IDS: variants seen among roughly 807,000 people sequenced by gnomAD.
The protein encoded by IDS is alpha-L-iduronate sulfate sulfatase.
Under a neutral mutation model 33.5 loss-of-function variants are expected in IDS, and 1 was observed. That is an observed-to-expected ratio of 0.03 (90% CI 0.01 to 0.14). IDS has a LOEUF of 0.14. Among genes scored for constraint, IDS ranks in the 10% least tolerant of loss-of-function variants. The pLI is 1.00. For synonymous variants in IDS, 191 were observed against 184.4 expected (o/e 1.04, Z -0.29); for missense variants, 328 against 448.0 (o/e 0.73, Z 2.42).
intron 4 of IDS, among the ~76,000 whole-genome samples, chrX:149,500,626 T>TTC (rs781906011): frequency 4.1e-4 from 46 of 111,986 alleles, no homozygotes; most frequent in Admixed American, 4.0e-3. Context: ...TCAGCCTCTT[T>TTC]TCTCCCTCCC....
intron 1 of IDS, among the ~76,000 whole-genome samples, chrX:149,504,567 G>A (rs1176995608): frequency 9.0e-6 from 1 of 110,550 alleles, no homozygotes; most frequent in Non-Finnish European, 1.9e-5. Context: ...ATGAATTTAG[G>A]AAAAAAAGAG....
intron 6 of IDS, among the ~76,000 whole-genome samples, chrX:149,493,925 G>A (rs1285546099): frequency 9.0e-6 from 1 of 111,444 alleles, no homozygotes; most frequent in Non-Finnish European, 1.9e-5. Context: ...TTCTACAAGA[G>A]GAAAGGTGCT....
chrX:149,505,115 C>A lies in IDS; in HGVS notation c.23G>T (p.Arg8Leu), dbSNP rs782621858. 3.4e-5 allele frequency: 41 copies of A among 1,197,480 alleles called. No individual in the cohort carries two copies. In the Middle Eastern group the frequency reaches 1.2e-3, roughly 34 times the overall value. MPPPRTG[R>L]GLLWLGLVLS... ...AACCAGACCCAGCCAGAGAAGGCCTCGGCCGGTCCGGGGTGGCGGCATTTC... is the reference window on the plus strand; with the variant it reads ...AACCAGACCCAGCCAGAGAAGGCCTAGGCCGGTCCGGGGTGGCGGCATTTC... The change falls in exon 1 of 9, where the codon CGA becomes CTA. Residue 8 changes from arginine (R) to leucine (L), a missense_variant. Physicochemically the swap from Arg to Leu is moderately radical, Grantham distance 102. This residue lies in a region of IDS where 45 missense variants were observed against 33.6 expected (regional missense o/e 1.34). Transcript: ENST00000340855.
chrX:149,505,185 A>ATTTTTTAAT lies in IDS; in HGVS notation c.-49_-48insATTAAAAAA. On this transcript the variant is annotated 5_prime_UTR_variant, in exon 1 of 9. In the 5' UTR this introduces an upstream ATG that the reference lacks. Transcript: ENST00000340855. ...CAGAGCGGCGGGGACAGGCTGCAGC[A>ATTTTTTAAT]GGTGGCGCAGTTAGCAGCCGCCGCC... 3.1e-6 allele frequency: 3 copies of ATTTTTTAAT among 978,105 alleles called. No homozygotes were observed. Among genetic ancestry groups the ATTTTTTAAT allele is most frequent in the Admixed American group, 2.5e-5 (1 of 39,602 alleles). 80.6% of individuals were successfully genotyped at this position (978,105 alleles called of 1,213,427 possible).
In IDS at chrX:149,481,057, G is replaced by A. The variant is rs1369185322; in HGVS notation, c.*1689C>T. On this transcript the variant is annotated 3_prime_UTR_variant, in exon 9 of 9. Transcript: ENST00000340855. The stretch of plus-strand genomic sequence containing the variant: ...CTAAGCCAAGTAAAGGTAAAGAACT[G>A]TGGAGCAGGCAATAAAGCCAAATGC... 2 of 112,259 alleles carry A rather than the reference G, an allele frequency of 1.8e-5. No individual in the cohort carries two copies. The highest frequency in any genetic ancestry group is 3.8e-5 in the Non-Finnish European group (2 of 53,325). 9.3% of individuals were successfully genotyped at this position (112,259 alleles called of 1,213,427 possible).
At chrX:149,503,947 C>T (rs1193298986) in intron 2 of IDS, among the ~76,000 whole-genome samples, 1 of 111,664 alleles carries the variant, frequency 9.0e-6, no homozygotes, top group Non-Finnish European at 1.9e-5. Context: ...CAGGGCGCAC[C>T]TTGCACCCAA....
rs782062816 is a variant in IDS, at chrX:149,487,180, C to T, written c.1007-82G>A. The T allele has an allele frequency of 2.7e-5, 33 of 1,206,423 alleles. 1 individual carries two copies. In the South Asian group the frequency reaches 4.4e-4, roughly 16 times the overall value. On this transcript the variant is annotated intron_variant, in intron 7 of 8. Coordinates refer to ENST00000340855, the MANE Select transcript of IDS (RefSeq NM_000202.8). ...GTTTATTTTAGATACCATTTCATTT[C>T]CTGTTGTAAAAACCAGAGGAAGTAG...
intron 7 of IDS, among the ~76,000 whole-genome samples, chrX:149,488,885 C>T (rs1373435163): frequency 1.8e-5 from 2 of 111,257 alleles, no homozygotes; most frequent in African/African-American, 3.3e-5. Flanking sequence ...AAGATGAGGA[C>T]GTGGCAACAT....
At chrX:149,502,286 G>T in intron 3 of IDS, 1 of 254,266 alleles carries the variant, frequency 3.9e-6, no homozygotes. Flanking sequence ...GTCCTTGCCT[G>T]GTTTCCCCTC....
chrX:149,485,846 C>T (rs901451565), intron 8 of IDS, among the ~76,000 whole-genome samples: 2 of 111,917 alleles, frequency 1.8e-5, no homozygotes, highest in Non-Finnish European at 3.8e-5. Flanking sequence ...ACAGGACATG[C>T]AGTGCACAAA....
chrX:149,502,928 G>A (rs1484306946), intron 3 of IDS: 13 of 379,526 alleles, frequency 3.4e-5, no homozygotes, highest in Admixed American at 9.4e-5. Context: ...CTGGCCACAC[G>A]GGAGGCCCTC....
chrX:149,483,026 C>T lies in IDS; in HGVS notation c.1373G>A (p.Arg458His), dbSNP rs782697859. The change falls in exon 9 of 9, where the codon CGT (arginine) becomes CAT (histidine). Residue 458 changes from arginine (R) to histidine (H), a missense_variant. Arg to His is a conservative substitution (Grantham distance 29). Transcript: ENST00000340855. ...ATACTGGCTATAGGCAATCAGTTCACGGGGATTACCAGGGAGGTACGGATC... is the reference window on the plus strand; with the variant it reads ...ATACTGGCTATAGGCAATCAGTTCATGGGGATTACCAGGGAGGTACGGATC... The part of the protein sequence containing the change: ...EEDPYLPGNP[R>H]ELIAYSQYPR... The T allele has an allele frequency of 1.7e-5, 20 of 1,207,030 alleles. No homozygotes were observed. The highest frequency in any genetic ancestry group is 1.2e-4 in the East Asian group (4 of 33,706).
At chrX:149,495,838 G>T (rs1212006479) in intron 6 of IDS, 1 of 125,910 alleles carries the variant, frequency 7.9e-6, no homozygotes, top group Non-Finnish European at 1.7e-5. Flanking sequence ...TCACAGCTGG[G>T]TGGCACTGGC....
At chrX:149,495,481 T>TTC (rs1211639008) in intron 6 of IDS, 3 of 110,041 alleles carry the variant, frequency 2.7e-5, no homozygotes, top group African/African-American at 1.0e-4. Context: ...TTTTTTTTTT[T>TTC]TTTAAGAAAT....
intron 1 of IDS, 41 bp from the exon 2 acceptor site, chrX:149,504,334 G>A (rs782568210): frequency 6.3e-5 from 74 of 1,169,568 alleles, no homozygotes; most frequent in Non-Finnish European, 8.2e-5. Flanking sequence ...AACCTGCACT[G>A]ACACTGAACC....
intron 4 of IDS, chrX:149,499,273 C>T (rs2089460506): frequency 9.3e-6 from 1 of 107,588 alleles, no homozygotes; most frequent in Admixed American, 1.0e-4. Context: ...AGAATCATCG[C>T]TTGAACCTGG....
rs1557337595 is a variant in IDS at position 149,482,906 on chromosome X, C to G, written c.1493G>C (p.Arg498Thr). The G allele has an allele frequency of 1.7e-6, 2 of 1,211,633 alleles. No homozygotes were observed. Among genetic ancestry groups the G allele is most frequent in the South Asian group, 3.5e-5 (2 of 56,998 alleles). Residue 498 changes from arginine (R) to threonine (T), a missense_variant, in exon 9 of 9, where the codon AGG becomes ACG. Physicochemically the swap from Arg to Thr is moderately conservative, Grantham distance 71 (BLOSUM62 -1). This residue lies in a region of IDS where 265 missense variants were observed against 339.2 expected (regional missense o/e 0.78). Transcript: ENST00000340855. Reference sequence around the variant, plus strand: ...ATTGAAGCCAACCCACACAGTATACCTATAGTCTATGGTGCGTATGGAATA... The same window carrying G: ...ATTGAAGCCAACCCACACAGTATACGTATAGTCTATGGTGCGTATGGAATA... ...MGYSIRTIDY[R>T]YTVWVGFNPD...
intron 6 of IDS, among the ~76,000 whole-genome samples, chrX:149,493,129 T>C (rs2089407420): frequency 9.0e-6 from 1 of 111,603 alleles, no homozygotes; most frequent in Admixed American, 9.4e-5. Flanking sequence ...AGGAGAGACC[T>C]GGGCTGAAGG....
intron 8 of IDS, among the ~76,000 whole-genome samples, chrX:149,485,270 G>A (rs1419635272): frequency 1.8e-5 from 2 of 111,941 alleles, no homozygotes; most frequent in Non-Finnish European, 3.8e-5. Flanking sequence ...CTGCTCTGAG[G>A]AGGAAAACCT....
Sources: allele counts gnomAD v4.1 joint callset (sites outside exome capture counted in the v4.1 genomes callset), GRCh38; gene constraint gnomAD v4.1.1; regional missense constraint gnomAD v4.1.1; transcripts MANE v1.5; gene names NCBI Gene and HGNC (gene_info 2026-07-23, HGNC 2026-07-21).